The following ADGRB3 variants were observed in gnomAD, a reference collection of about 807,000 sequenced individuals.
ADGRB3 encodes the protein brain-specific angiogenesis inhibitor 3.
A neutral mutation model predicts 193.4 loss-of-function variants in ADGRB3; 37 were observed. The ratio of observed to expected loss-of-function variants is 0.19; its 90% confidence interval spans 0.15 to 0.25. The LOEUF (loss-of-function observed/expected upper bound fraction) is 0.25, where lower values mean the gene tolerates loss of function less well. Among genes scored for constraint, ADGRB3 ranks in the 10% least tolerant of loss-of-function variants. The pLI is 1.00. For missense variants in ADGRB3, 1,637 were observed against 1,852.9 expected, an observed-to-expected ratio of 0.88 and a Z score of 2.14; for synonymous variants, 690 against 644.2, an observed-to-expected ratio of 1.07 and a Z score of -1.08.
chr6:69,060,313 T>A (rs998789589), intron 15 of ADGRB3, among the ~76,000 whole-genome samples: 2 of 150,006 alleles, frequency 1.3e-5, no homozygotes, highest in Non-Finnish European at 3.0e-5. Context: ...TCTAGGGAAC[T>A]TCTCCACCAG....
intron 20 of ADGRB3, among the ~76,000 whole-genome samples, chr6:69,258,389 T>G (rs745746188): frequency 1.3e-5 from 2 of 152,192 alleles, no homozygotes; most frequent in African/African-American, 2.4e-5. Flanking sequence ...CAGAGACTTG[T>G]CAACATAAGA....
intron 3 of ADGRB3, among the ~76,000 whole-genome samples, chr6:68,877,672 T>C (rs1006984138): frequency 6.6e-6 from 1 of 152,126 alleles, no homozygotes; most frequent in African/African-American, 2.4e-5. Context: ...AAAGACATTA[T>C]CTTTCTTCTT....
intron 4 of ADGRB3, among the ~76,000 whole-genome samples, chr6:68,934,785 A>C (rs1319554779): frequency 6.6e-6 from 1 of 152,220 alleles, no homozygotes; most frequent in Non-Finnish European, 1.5e-5. Context: ...CAATCTTGAT[A>C]GAGTATTCTT....
chr6:68,837,633 G>A (rs2127386157), intron 3 of ADGRB3, among the ~76,000 whole-genome samples: 1 of 152,234 alleles, frequency 6.6e-6, no homozygotes, highest in East Asian at 1.9e-4. Flanking sequence ...AGGGATCATT[G>A]ACATACCTAG....
intron 3 of ADGRB3, among the ~76,000 whole-genome samples, chr6:68,678,319 C>A (rs1339761563): frequency 6.6e-6 from 1 of 152,220 alleles, no homozygotes; most frequent in African/African-American, 2.4e-5. Context: ...TCAGTCTATA[C>A]TGACCACAGT....
intron 4 of ADGRB3, among the ~76,000 whole-genome samples, chr6:68,934,741 T>G (rs1472746985): frequency 6.6e-6 from 1 of 152,220 alleles, no homozygotes; most frequent in African/African-American, 2.4e-5. Flanking sequence ...TTTTAACTAT[T>G]ATCCTTCTAT....
At chr6:68,718,669 G>T (rs191954622) in intron 3 of ADGRB3, among the ~76,000 whole-genome samples, 2 of 151,714 alleles carry the variant, frequency 1.3e-5, no homozygotes, top group Admixed American at 6.6e-5. Flanking sequence ...GTCAAAATCT[G>T]TCTCTCAACC....
At chr6:68,836,924 A>G (rs1467816259) in intron 3 of ADGRB3, among the ~76,000 whole-genome samples, 2 of 152,160 alleles carry the variant, frequency 1.3e-5, no homozygotes, top group Non-Finnish European at 2.9e-5. Context: ...TTGATAATGA[A>G]TTTAAGGTAT....
chr6:69,247,163 G>C (rs1416939936), intron 20 of ADGRB3, among the ~76,000 whole-genome samples: 5 of 152,044 alleles, frequency 3.3e-5, no homozygotes, highest in Non-Finnish European at 7.4e-5. Flanking sequence ...TAAAGAAAAA[G>C]AAATACCTGA....
chr6:68,856,677 C>T lies in ADGRB3; in HGVS notation c.758-73882C>T, dbSNP rs558383672. 1.4e-4 allele frequency among the ~76,000 whole-genome samples: 21 copies of T among 152,116 alleles called. No individual in the cohort carries two copies. In the South Asian group the frequency reaches 2.3e-3, roughly 17 times the overall value. ...GCATTCAGTTTTAAAAGGGAAACAG[C>T]GTATTTGCAGCCTATGTGATAGAAA... is the stretch of plus-strand genomic sequence containing the variant. On this transcript the variant is annotated intron_variant, in intron 3 of 31. Coordinates refer to ENST00000370598, the MANE Select transcript of ADGRB3 (RefSeq NM_001704.3).
chr6:69,358,910 TAC>T (rs1313314034), intron 28 of ADGRB3, among the ~76,000 whole-genome samples: 3 of 151,636 alleles, frequency 2.0e-5, no homozygotes, highest in Non-Finnish European at 4.4e-5. Flanking sequence ...TATCTTTCTT[TAC>T]ACACACACGT....
intron 3 of ADGRB3, among the ~76,000 whole-genome samples, chr6:68,856,294 G>A (rs762803488): frequency 6.6e-6 from 1 of 152,212 alleles, no homozygotes; most frequent in African/African-American, 2.4e-5. Context: ...AAATGTGGAA[G>A]TGACTTTGGA....
At chr6:68,936,207 G>T (rs1001822063) in intron 4 of ADGRB3, among the ~76,000 whole-genome samples, 2 of 152,108 alleles carry the variant, frequency 1.3e-5, no homozygotes, top group African/African-American at 4.8e-5. Flanking sequence ...AGATTAATTT[G>T]AAGAGAATCA....
chr6:69,302,009 T>C (rs1366764149), intron 20 of ADGRB3, among the ~76,000 whole-genome samples: 1 of 151,940 alleles, frequency 6.6e-6, no homozygotes, highest in Non-Finnish European at 1.5e-5. Context: ...GAGATTTAGC[T>C]TTAAAAAATG....
chr6:69,233,889 A>G (rs1766205807), intron 18 of ADGRB3, among the ~76,000 whole-genome samples: 1 of 152,188 alleles, frequency 6.6e-6, no homozygotes. Context: ...ATAAATATAT[A>G]TGTTAATCAA....
chr6:69,230,829 A>G (rs1229456654), intron 17 of ADGRB3, among the ~76,000 whole-genome samples: 2 of 152,160 alleles, frequency 1.3e-5, no homozygotes, highest in Non-Finnish European at 2.9e-5. Flanking sequence ...CAGATGCAGT[A>G]TTGTGTTTTA....
At chr6:69,383,170 G>A (rs1265166664) in intron 31 of ADGRB3, among the ~76,000 whole-genome samples, 1 of 151,926 alleles carries the variant, frequency 6.6e-6, no homozygotes, top group Non-Finnish European at 1.5e-5. Context: ...ATTAGAGTTA[G>A]TTTTATATCA....
At chr6:68,824,748 C>CT (rs1340383371) in intron 3 of ADGRB3, among the ~76,000 whole-genome samples, 17 of 150,896 alleles carry the variant, frequency 1.1e-4, no homozygotes, top group East Asian at 1.9e-4. Flanking sequence ...TCTGTCTCAT[C>CT]TTTTTTTATA....
At position 68,900,744 on chromosome 6, in the gene ADGRB3, A is replaced by G. The variant is rs528018492; in HGVS notation, c.758-29815A>G. 4.6e-5 allele frequency among the ~76,000 whole-genome samples: 7 copies of G among 152,184 alleles called. No individual in the cohort carries two copies. The South Asian group carries it at 1.5e-3, about 32-fold the overall frequency. On this transcript the variant is annotated intron_variant, in intron 3 of 31. Coordinates refer to ENST00000370598, the MANE Select transcript of ADGRB3 (RefSeq NM_001704.3). ...CCATTTACCAGCCTCAGAGACCAAC[A>G]CTGGGCCCGTGATGCAGCACTAGTC...
Sources: gnomAD v4.1 joint callset for allele counts (sites outside exome capture counted in the v4.1 genomes callset) on GRCh38, gnomAD v4.1.1 for gene constraint, MANE v1.5 for transcripts, NCBI Gene and HGNC (gene_info 2026-07-23, HGNC 2026-07-21) for gene names.